BTBD9: variants seen among roughly 807,000 people sequenced by gnomAD.
BTBD9 encodes the protein BTB domain containing 9.
BTBD9 carries 49 observed loss-of-function variants against 64.3 expected under a neutral mutation model. The observed-to-expected ratio is 0.76, with a 90% CI of 0.61 to 0.97. BTBD9 has a LOEUF of 0.97. Ranked by LOEUF, BTBD9 falls within the 50% of genes least tolerant of loss-of-function variation. BTBD9 has a pLI of 0.00. For missense variants in BTBD9, 598 were observed against 762.1 expected (o/e 0.78, Z 2.53); for synonymous variants, 260 against 274.7 (o/e 0.95, Z 0.53).
intron 8 of BTBD9, among the ~76,000 whole-genome samples, chr6:38,260,387 TTCCCTATCCTTC>T (rs1165614978): frequency 2.0e-5 from 3 of 152,244 alleles, no homozygotes; most frequent in African/African-American, 7.2e-5. Context: ...GTTTATCATA[TTCCCTATCCTTC>T]TAGATAATCA....
At chr6:38,230,810 T>C (rs962630111) in intron 9 of BTBD9, among the ~76,000 whole-genome samples, 4 of 152,210 alleles carry the variant, frequency 2.6e-5, no homozygotes, top group African/African-American at 7.2e-5. Context: ...CTATCACTTA[T>C]TTCAGTTCAA....
chr6:38,534,493 A>T (rs1354280773), intron 6 of BTBD9, among the ~76,000 whole-genome samples: 8 of 150,040 alleles, frequency 5.3e-5, no homozygotes, highest in African/African-American at 1.9e-4. Flanking sequence ...AAAAAAAAAT[A>T]GAGGAGGAGG....
chr6:38,472,175 C>T (rs1232223386), intron 6 of BTBD9, among the ~76,000 whole-genome samples: 1 of 152,166 alleles, frequency 6.6e-6, no homozygotes, highest in Non-Finnish European at 1.5e-5. Context: ...TGCTGCAATA[C>T]CAACATTTCC....
At chr6:38,536,135 A>C (rs931096534) in intron 6 of BTBD9, among the ~76,000 whole-genome samples, 1 of 152,186 alleles carries the variant, frequency 6.6e-6, no homozygotes, top group African/African-American at 2.4e-5. Flanking sequence ...AAGGAGCTCA[A>C]ACAACTCTCT....
At chr6:38,455,135 T>G (rs1769738419) in intron 6 of BTBD9, among the ~76,000 whole-genome samples, 1 of 152,218 alleles carries the variant, frequency 6.6e-6, no homozygotes, top group Non-Finnish European at 1.5e-5. Context: ...AAGTGTATTT[T>G]AAAATTTACA....
intron 6 of BTBD9, among the ~76,000 whole-genome samples, chr6:38,367,200 GGC>G (rs1173589629): frequency 6.6e-6 from 1 of 152,082 alleles, no homozygotes; most frequent in Non-Finnish European, 1.5e-5. Context: ...CCCCGAGGGT[GGC>G]CTATAATTTA....
intron 6 of BTBD9, among the ~76,000 whole-genome samples, chr6:38,354,628 C>T (rs78645912): frequency 6.6e-6 from 1 of 152,134 alleles, no homozygotes; most frequent in African/African-American, 2.4e-5. Flanking sequence ...CCACCTATGC[C>T]ACATACTATC....
intron 8 of BTBD9, among the ~76,000 whole-genome samples, chr6:38,261,332 G>T (rs903494639): frequency 2.6e-5 from 4 of 152,030 alleles, no homozygotes; most frequent in African/African-American, 7.2e-5. Flanking sequence ...ACATCTTGAG[G>T]CTTTGATGTA....
At chr6:38,550,983 T>C (rs1408925440) in intron 6 of BTBD9, among the ~76,000 whole-genome samples, 2 of 152,228 alleles carry the variant, frequency 1.3e-5, no homozygotes, top group East Asian at 1.9e-4. Flanking sequence ...CCAGAGCCAG[T>C]TGCTGTTCCC....
chr6:38,567,598 T>G (rs1205563332), intron 6 of BTBD9, among the ~76,000 whole-genome samples: 1 of 152,204 alleles, frequency 6.6e-6, no homozygotes, highest in East Asian at 1.9e-4. Flanking sequence ...AGCCCTCTAT[T>G]TTCATACTGG....
chr6:38,308,153 G>C (rs1762694843), intron 7 of BTBD9, among the ~76,000 whole-genome samples: 1 of 152,154 alleles, frequency 6.6e-6, no homozygotes, highest in African/African-American at 2.4e-5. Flanking sequence ...AAAGAATCAA[G>C]CATCAGATGT....
At chr6:38,507,762 T>C (rs1043697907) in intron 6 of BTBD9, among the ~76,000 whole-genome samples, 1 of 151,878 alleles carries the variant, frequency 6.6e-6, no homozygotes, top group East Asian at 1.9e-4. Flanking sequence ...TCTCTATATA[T>C]ACACACTAAA....
At chr6:38,490,342 A>G (rs1484558003) in intron 6 of BTBD9, among the ~76,000 whole-genome samples, 1 of 152,024 alleles carries the variant, frequency 6.6e-6, no homozygotes, top group African/African-American at 2.4e-5. Flanking sequence ...TTTTTTTGAG[A>G]CAGAGTTTTG....
intron 9 of BTBD9, among the ~76,000 whole-genome samples, chr6:38,195,552 T>C (rs1442246693): frequency 3.9e-5 from 6 of 152,066 alleles, no homozygotes; most frequent in Non-Finnish European, 7.4e-5. Flanking sequence ...CCACGCAGGA[T>C]TGATGTCCCA....
intron 6 of BTBD9, among the ~76,000 whole-genome samples, chr6:38,392,141 G>C (rs779067151): frequency 6.6e-6 from 1 of 152,116 alleles, no homozygotes; most frequent in Admixed American, 6.5e-5. Context: ...TCCAAGAGGA[G>C]AGTCCTCCTC....
chr6:38,562,286 G>A (rs575418966), intron 6 of BTBD9, among the ~76,000 whole-genome samples: 76 of 152,194 alleles, frequency 5.0e-4, no homozygotes, highest in African/African-American at 1.8e-3. Flanking sequence ...TCTTCCTCCT[G>A]AATCCGTTTA....
Position 38,560,091 on chromosome 6 carries a change from A to G in BTBD9, c.1154+17509T>C, listed in dbSNP as rs535841614. Among the ~76,000 whole-genome samples, 4 of 152,314 alleles carry G rather than the reference A, an allele frequency of 2.6e-5. No individual in the cohort carries two copies. The South Asian group carries it at 8.3e-4, about 32-fold the overall frequency. Reference sequence around the variant, plus strand: ...CTGACATGTAGGACCTAATTAAACTAAAGTTTTGCACAGCAAAAGAAACTA... The same window carrying G: ...CTGACATGTAGGACCTAATTAAACTGAAGTTTTGCACAGCAAAAGAAACTA... On this transcript the variant is annotated intron_variant, in intron 6 of 10. Transcript: ENST00000481247.
intron 6 of BTBD9, among the ~76,000 whole-genome samples, chr6:38,491,739 G>A (rs1375541104): frequency 6.6e-6 from 1 of 152,040 alleles, no homozygotes; most frequent in East Asian, 1.9e-4. Context: ...ACAAAGCAAT[G>A]AGGCAATGAA....
intron 2 of BTBD9, among the ~76,000 whole-genome samples, chr6:38,597,305 T>C (rs2127496762): frequency 6.6e-6 from 1 of 152,296 alleles, no homozygotes; most frequent in African/African-American, 2.4e-5. Context: ...TCCTTAAAAA[T>C]AGAAAAAGAT....
Sources: allele counts gnomAD v4.1 joint callset (sites outside exome capture counted in the v4.1 genomes callset), GRCh38; gene constraint gnomAD v4.1.1; transcripts MANE v1.5; gene names NCBI Gene and HGNC (gene_info 2026-07-23, HGNC 2026-07-21).